Variants in CTNNA3 observed in about 807,000 individuals in gnomAD.
CTNNA3 encodes catenin alpha 3, also known as catenin alpha-3.
In CTNNA3, 76 loss-of-function variants were observed where a neutral mutation model predicts 95.7. That is an observed-to-expected ratio of 0.79 (90% CI 0.66 to 0.96). CTNNA3 has a LOEUF of 0.96. Among genes scored for constraint, CTNNA3 ranks in the 40% least tolerant of loss-of-function variants. The pLI, the probability that CTNNA3 is intolerant of heterozygous loss-of-function variation, is 0.00. For missense variants in CTNNA3, 1,191 were observed against 1,089.8 expected, an observed-to-expected ratio of 1.09 and a Z score of -1.31; for synonymous variants, 431 against 374.4, an observed-to-expected ratio of 1.15 and a Z score of -1.74.
intron 7 of CTNNA3, among the ~76,000 whole-genome samples, chr10:66,966,755 G>C (rs1470629627): frequency 3.3e-5 from 5 of 151,720 alleles, no homozygotes; most frequent in African/African-American, 4.8e-5. Flanking sequence ...AACTTAGCAG[G>C]GTTCTAAATC....
chr10:66,973,828 T>A (rs968224531), intron 7 of CTNNA3, among the ~76,000 whole-genome samples: 2 of 152,154 alleles, frequency 1.3e-5, no homozygotes, highest in Non-Finnish European at 2.9e-5. Flanking sequence ...TTCACCATGT[T>A]GGCCAGGCTG....
At chr10:66,116,469 G>T (rs1427079422) in intron 13 of CTNNA3, among the ~76,000 whole-genome samples, 1 of 152,068 alleles carries the variant, frequency 6.6e-6, no homozygotes, top group Admixed American at 6.6e-5. Context: ...CCAGTAGTGA[G>T]AACAACTCAA....
chr10:66,416,550 TA>T (rs35117151), intron 11 of CTNNA3, among the ~76,000 whole-genome samples: 19 of 72,518 alleles, frequency 2.6e-4, no homozygotes, highest in African/African-American at 7.6e-4. Context: ...TTTTTTTTTT[TA>T]AAAAAAAGCA....
At chr10:66,310,355 T>C (rs1005470900) in intron 12 of CTNNA3, among the ~76,000 whole-genome samples, 1 of 152,162 alleles carries the variant, frequency 6.6e-6, no homozygotes, top group Non-Finnish European at 1.5e-5. Context: ...ATTTATCCGA[T>C]ATCATATGGA....
chr10:66,007,517 C>T (rs531875182), intron 15 of CTNNA3, among the ~76,000 whole-genome samples: 4 of 152,292 alleles, frequency 2.6e-5, no homozygotes, highest in Admixed American at 2.6e-4. Flanking sequence ...TATTCGGCAT[C>T]ATGTGCAGCT....
At chr10:66,054,166 G>C (rs1349553623) in intron 15 of CTNNA3, among the ~76,000 whole-genome samples, 1 of 151,964 alleles carries the variant, frequency 6.6e-6, no homozygotes, top group Non-Finnish European at 1.5e-5. Flanking sequence ...CTTGGCTATT[G>C]TGAATAATGC....
At chr10:66,582,258 A>G (rs1843214196) in intron 10 of CTNNA3, among the ~76,000 whole-genome samples, 1 of 151,778 alleles carries the variant, frequency 6.6e-6, no homozygotes, top group African/African-American at 2.4e-5. Flanking sequence ...CATGATATTG[A>G]TTGTTCTAAC....
chr10:67,349,960 T>G (rs1379862091), intron 5 of CTNNA3, among the ~76,000 whole-genome samples: 1 of 152,080 alleles, frequency 6.6e-6, no homozygotes, highest in Non-Finnish European at 1.5e-5. Flanking sequence ...GTATATCAGC[T>G]TAATTATGTC....
At chr10:67,346,635 G>C (rs890800968) in intron 5 of CTNNA3, 2 of 476,878 alleles carry the variant, frequency 4.2e-6, no homozygotes, top group South Asian at 3.1e-5. Context: ...AATATGGAGA[G>C]AGAAACTTCT....
chr10:67,519,464 G>GA (rs1377923450), intron 5 of CTNNA3, among the ~76,000 whole-genome samples: 2 of 152,160 alleles, frequency 1.3e-5, no homozygotes, highest in African/African-American at 2.4e-5. Context: ...TGGTATCCAG[G>GA]AAACCAAAGG....
chr10:66,381,969 A>G (rs1169557684), intron 11 of CTNNA3, among the ~76,000 whole-genome samples: 1 of 152,146 alleles, frequency 6.6e-6, no homozygotes, highest in African/African-American at 2.4e-5. Context: ...CCTAACCAAG[A>G]TGGCCAAATA....
At chr10:66,640,697 T>C (rs1845487435) in intron 9 of CTNNA3, among the ~76,000 whole-genome samples, 1 of 152,170 alleles carries the variant, frequency 6.6e-6, no homozygotes, top group African/African-American at 2.4e-5. Context: ...GGCTGAACCA[T>C]GTGCCAATGA....
At chr10:65,952,029 C>CAAAAA (rs55842958) in intron 17 of CTNNA3, among the ~76,000 whole-genome samples, 8 of 99,678 alleles carry the variant, frequency 8.0e-5, no homozygotes, top group African/African-American at 1.9e-4. Flanking sequence ...GGCTCCGCCT[C>CAAAAA]AAAAAAAAAA....
chr10:66,354,947 C>T (rs955108367), intron 12 of CTNNA3, among the ~76,000 whole-genome samples: 4 of 152,094 alleles, frequency 2.6e-5, no homozygotes, highest in African/African-American at 9.7e-5. Context: ...ATGATCTACA[C>T]TTATCAGTCT....
chr10:67,589,324 GGACA>G (rs1842727025), intron 3 of CTNNA3, among the ~76,000 whole-genome samples: 1 of 151,996 alleles, frequency 6.6e-6, no homozygotes, highest in African/African-American at 2.4e-5. Context: ...TGGGTGCCCA[GGACA>G]TATCTTATTT....
At chr10:67,413,219 T>C (rs892192605) in intron 5 of CTNNA3, among the ~76,000 whole-genome samples, 4 of 152,144 alleles carry the variant, frequency 2.6e-5, no homozygotes, top group Admixed American at 6.5e-5. Context: ...TCATTCTTCA[T>C]CATTCAATTT....
chr10:66,656,214 G>T (rs1210156522), intron 9 of CTNNA3, among the ~76,000 whole-genome samples: 8 of 152,054 alleles, frequency 5.3e-5, no homozygotes, highest in African/African-American at 1.7e-4. Flanking sequence ...AAGGATCTCT[G>T]CAATATAAGG....
At chr10:65,959,469 C>T (rs536021334) in intron 17 of CTNNA3, among the ~76,000 whole-genome samples, 122 of 152,298 alleles carry the variant, frequency 8.0e-4, no homozygotes, top group African/African-American at 2.8e-3. Context: ...TTCTGTATCG[C>T]TCATGCTGGG....
chr10:66,999,467 T>C (rs1331412950), intron 7 of CTNNA3, among the ~76,000 whole-genome samples: 1 of 152,172 alleles, frequency 6.6e-6, no homozygotes, highest in African/African-American at 2.4e-5. Flanking sequence ...GCTGTTGTCA[T>C]CTTGTATGGA....
Sources: gnomAD v4.1 joint callset for allele counts (sites outside exome capture counted in the v4.1 genomes callset) on GRCh38, gnomAD v4.1.1 for gene constraint, MANE v1.5 for transcripts, NCBI Gene and HGNC (gene_info 2026-07-23, HGNC 2026-07-21) for gene names.